The following CARHSP1 variants were observed in gnomAD, a reference collection of about 807,000 sequenced individuals.
CARHSP1 encodes calcium regulated heat stable protein 1, also known as calcium-regulated heat-stable protein 1.
In CARHSP1, 14 loss-of-function variants were observed where a neutral mutation model predicts 12.5. The observed-to-expected ratio is 1.12, with a 90% CI of 0.74 to 1.75. The LOEUF is 1.75. Among genes scored for constraint, CARHSP1 ranks in the 40% most tolerant of loss-of-function variants. The pLI, the probability that CARHSP1 is intolerant of heterozygous loss-of-function variation, is 0.00. For synonymous variants in CARHSP1, 161 were observed against 82.0 expected (o/e 1.96, Z -5.20); for missense variants, 343 against 201.6 (o/e 1.70, Z -4.25).
intron 3 of CARHSP1, among the ~76,000 whole-genome samples, chr16:8,855,969 C>G (rs538133125): frequency 6.6e-6 from 1 of 151,394 alleles, no homozygotes; most frequent in African/African-American, 2.4e-5. Context: ...GCACCACAGC[C>G]AGCTAATTTT....
At chr16:8,857,435 A>C (rs1596527735) in intron 3 of CARHSP1, 1 of 135,970 alleles carries the variant, frequency 7.4e-6, no homozygotes, top group Non-Finnish European at 1.5e-5. Flanking sequence ...GGCACCCGCC[A>C]TCATTCCCCG....
chr16:8,865,378 C>T (rs572713007), intron 1 of CARHSP1, among the ~76,000 whole-genome samples: 9 of 152,272 alleles, frequency 5.9e-5, no homozygotes, highest in Non-Finnish European at 1.3e-4. Context: ...CCAAAGTCCT[C>T]GGATTACAGG....
At chr16:8,859,418 C>G (rs1036229245) in intron 1 of CARHSP1, 83 bp from the exon 2 acceptor site, 2 of 1,253,424 alleles carry the variant, frequency 1.6e-6, no homozygotes, top group Non-Finnish European at 1.1e-6. Flanking sequence ...GTCTGACAGT[C>G]CAGTATCTGA....
intron 1 of CARHSP1, among the ~76,000 whole-genome samples, chr16:8,860,887 C>T (rs1343509451): frequency 2.0e-5 from 3 of 151,452 alleles, no homozygotes; most frequent in African/African-American, 7.3e-5. Flanking sequence ...CCAGTCTCTA[C>T]TAAAAATACA....
intron 1 of CARHSP1, chr16:8,860,491 G>A (rs563888854): frequency 4.2e-5 from 41 of 985,416 alleles, no homozygotes; most frequent in South Asian, 1.9e-4. Context: ...GCCTCAGCTC[G>A]AGGTTCAGGG....
Position 8,854,836 on chromosome 16 carries a change from C to T in CARHSP1, c.*328G>A. ...TGTGGGTTGAGCCCATGTGTCTGAGCAGCTGGAGAAATACCACCCTTGATC... is the reference window on the plus strand; with the variant it reads ...TGTGGGTTGAGCCCATGTGTCTGAGTAGCTGGAGAAATACCACCCTTGATC... On this transcript the variant is annotated 3_prime_UTR_variant, in exon 4 of 4. Coordinates refer to ENST00000311052, the MANE Select transcript of CARHSP1 (RefSeq NM_014316.4). The T allele has an allele frequency of 5.0e-6, 1 of 200,820 alleles. No individual in the cohort carries two copies. Among genetic ancestry groups the T allele is most frequent in the Non-Finnish European group, 1.0e-5 (1 of 99,824 alleles). The allele number at this position is 200,820 out of a possible 1,614,324, so 12.4% of individuals were successfully genotyped here.
intron 1 of CARHSP1, among the ~76,000 whole-genome samples, chr16:8,865,879 C>G (rs1034680518): frequency 6.6e-6 from 1 of 152,204 alleles, no homozygotes; most frequent in Non-Finnish European, 1.5e-5. Context: ...TTAATGCAGT[C>G]AGGAATCTCT....
chr16:8,859,412 G>A, intron 1 of CARHSP1, 77 bp from the exon 2 acceptor site: 1 of 1,302,584 alleles, frequency 7.7e-7, no homozygotes, highest in African/African-American at 1.5e-5. Flanking sequence ...GTCCACGTCT[G>A]ACAGTCCAGT....
chr16:8,861,119 C>T (rs889597059), intron 1 of CARHSP1, among the ~76,000 whole-genome samples: 1 of 143,772 alleles, frequency 7.0e-6, no homozygotes, highest in South Asian at 2.3e-4. Context: ...AGGGCAGTGG[C>T]ATAATCACAG....
chr16:8,864,257 C>T (rs994764193), intron 1 of CARHSP1, among the ~76,000 whole-genome samples: 1 of 152,124 alleles, frequency 6.6e-6, no homozygotes, highest in Admixed American at 6.5e-5. Context: ...TGTATGCATG[C>T]GTGAACTTGT....
At chr16:8,859,362 C>G (rs747035015) in intron 1 of CARHSP1, 27 bp from the exon 2 acceptor site, 7 of 1,585,052 alleles carry the variant, frequency 4.4e-6, no homozygotes, top group Non-Finnish European at 6.0e-6. Flanking sequence ...CTGTCAGGGG[C>G]TCGTGCCTTG....
chr16:8,865,356 C>G (rs916809124), intron 1 of CARHSP1, among the ~76,000 whole-genome samples: 2 of 152,156 alleles, frequency 1.3e-5, no homozygotes, highest in Non-Finnish European at 2.9e-5. Flanking sequence ...ATGATTTACC[C>G]GCTTCAGCCT....
intron 1 of CARHSP1, among the ~76,000 whole-genome samples, chr16:8,861,989 CTTTTTTT>C (rs537614451): frequency 0.2 from 15,908 of 79,826 alleles, 1,209 homozygotes; most frequent in East Asian, 0.32. Context: ...GCATAGCTGA[CTTTTTTT>C]TTTTTTTTTT....
intron 1 of CARHSP1, chr16:8,859,703 C>T (rs548781854): frequency 7.1e-5 from 12 of 168,756 alleles, no homozygotes; most frequent in Admixed American, 5.6e-4. Flanking sequence ...AGGGGCCGGG[C>T]GCAGTGGCTC....
intron 1 of CARHSP1, among the ~76,000 whole-genome samples, chr16:8,864,684 A>T (rs1255164413): frequency 6.6e-6 from 1 of 152,198 alleles, no homozygotes; most frequent in Non-Finnish European, 1.5e-5. Flanking sequence ...TTCCCCAGTC[A>T]GCCCCCAGGC....
At chr16:8,860,414 A>G in intron 1 of CARHSP1, 6 of 985,432 alleles carry the variant, frequency 6.1e-6, no homozygotes, top group Non-Finnish European at 7.2e-6. Context: ...CAATTTTTCA[A>G]GAGCAGGACA....
intron 3 of CARHSP1, among the ~76,000 whole-genome samples, chr16:8,856,165 C>CCT (rs576378119): frequency 6.6e-6 from 1 of 152,132 alleles, no homozygotes; most frequent in Non-Finnish European, 1.5e-5. Context: ...CCTGGAGGGG[C>CCT]CTCTCCCTGT....
intron 3 of CARHSP1, among the ~76,000 whole-genome samples, chr16:8,857,263 GTTTTTTTTTTTTTTT>G (rs756390920): frequency 6.5e-4 from 37 of 57,038 alleles, no homozygotes; most frequent in East Asian, 1.8e-3. Context: ...GGGCAGATCT[GTTTTTTTTTTTTTTT>G]TTTTTTTTTT....
rs537614451 is a variant in CARHSP1, at chr16:8,861,989, CTTTTT to C, written c.-7-2659_-7-2655del. On this transcript the variant is annotated intron_variant, in intron 1 of 3. Transcript: ENST00000311052. ...TTCTCCTGGAGTCAAGCATAGCTGA[CTTTTT>C]TTTTTTTTTTTTTTTTTTTTTTTAA... Among the ~76,000 whole-genome samples, 662 of 79,782 alleles carry C rather than the reference CTTTTT, an allele frequency of 8.3e-3. 6 individuals carry two copies. Among genetic ancestry groups the C allele is most frequent in the Non-Finnish European group, 9.0e-3 (351 of 38,842 alleles). The allele number at this position is 79,782 out of a possible 152,430, so 52.3% of individuals were successfully genotyped here. A position where few individuals can be genotyped will look rare whatever the true frequency, so the allele number is the denominator to read the frequency against.
Sources: gnomAD v4.1 joint callset for allele counts (sites outside exome capture counted in the v4.1 genomes callset) on GRCh38, gnomAD v4.1.1 for gene constraint, MANE v1.5 for transcripts, NCBI Gene and HGNC (gene_info 2026-07-23, HGNC 2026-07-21) for gene names.